TCF24: variants seen among roughly 807,000 people sequenced by gnomAD.
TCF24 encodes the protein transcription factor 24.
A neutral mutation model predicts 9.3 loss-of-function variants in TCF24; 5 were observed. The ratio of observed to expected loss-of-function variants is 0.54; its 90% CI spans 0.28 to 1.13. The LOEUF is 1.13. Among genes scored for constraint, TCF24 ranks in the 50% most tolerant of loss-of-function variants. TCF24 has a pLI of 0.09. For synonymous variants in TCF24, 110 were observed against 115.8 expected (o/e 0.95, Z 0.32); for missense variants, 220 against 236.1 (o/e 0.93, Z 0.45).
chr8:66,954,696 G>A (rs1459940833), intron 3 of TCF24, among the ~76,000 whole-genome samples: 3 of 152,064 alleles, frequency 2.0e-5, no homozygotes, highest in Non-Finnish European at 2.9e-5. Context: ...CCCCAGCCTC[G>A]CTGCCGCCTT....
intron 3 of TCF24, among the ~76,000 whole-genome samples, chr8:66,957,167 A>G (rs1814170140): frequency 6.8e-6 from 1 of 147,834 alleles, no homozygotes; most frequent in Non-Finnish European, 1.5e-5. Context: ...ATGTAATCCC[A>G]GTACTTTGGG....
At chr8:66,949,986 A>G (rs1178986522) in intron 3 of TCF24, among the ~76,000 whole-genome samples, 2 of 142,202 alleles carry the variant, frequency 1.4e-5, no homozygotes, top group Admixed American at 7.3e-5. Flanking sequence ...GGTTGAGTTC[A>G]TTGTAGATTC....
rs905042706 is a variant in TCF24, at chr8:66,959,752, A to C, written c.390+1624T>G. On this transcript the variant is annotated intron_variant, in intron 3 of 3. Transcript: ENST00000563496. ...CACTTGTTCAAGCAACATTAATTTCATTTAAAAAAATAATCCTTGGCTTTG... is the reference window on the plus strand; with the variant it reads ...CACTTGTTCAAGCAACATTAATTTCCTTTAAAAAAATAATCCTTGGCTTTG... Among the ~76,000 whole-genome samples, 24 of 152,350 alleles carry C rather than the reference A, an allele frequency of 1.6e-4. No homozygotes were observed. The South Asian group carries it at 1.7e-3, about 11-fold the overall frequency.
At chr8:66,955,428 C>T (rs950755932) in intron 3 of TCF24, among the ~76,000 whole-genome samples, 3 of 151,836 alleles carry the variant, frequency 2.0e-5, no homozygotes, top group African/African-American at 7.3e-5. Context: ...TCTGGTCCCA[C>T]ACTCTCCAGG....
Position 66,948,075 on chromosome 8 carries a change from G to C in TCF24, c.480C>G (p.Asn160Lys). 4 of 1,534,654 alleles carry C rather than the reference G, an allele frequency of 2.6e-6. No individual in the cohort carries two copies. The highest frequency in any genetic ancestry group is 3.5e-6 in the Non-Finnish European group (4 of 1,146,492). The change falls in exon 4 of 4, where the codon AAC becomes AAG. Residue 160 changes from asparagine to lysine, a missense_variant. Physicochemically the swap from Asn to Lys is moderately conservative, Grantham distance 94. Transcript: ENST00000563496. ...CCTAAGGCTGTGAGTCTGTTGGAGT[G>C]TTGTCATGATTTGTTTTTTCTCCAG... ...SVSGEKTNHDNTPTDSQP is the reference protein window; with the variant it reads ...SVSGEKTNHDKTPTDSQP
intron 3 of TCF24, 104 bp downstream of exon 3, chr8:66,961,272 C>T (rs907387685): frequency 7.7e-7 from 1 of 1,290,738 alleles, no homozygotes; most frequent in Admixed American, 4.1e-5. Context: ...CTTCCCGCCT[C>T]ACCCGAAAAG....
intron 3 of TCF24, among the ~76,000 whole-genome samples, chr8:66,952,582 G>A (rs1015764661): frequency 6.6e-6 from 1 of 151,626 alleles, no homozygotes; most frequent in Admixed American, 6.6e-5. Context: ...TTGATTTGGG[G>A]TGGAGAGTTC....
intron 3 of TCF24, 89 bp from the exon 4 acceptor site, chr8:66,948,253 C>A: frequency 1.3e-6 from 1 of 793,398 alleles, no homozygotes; most frequent in South Asian, 2.6e-5. Flanking sequence ...TGTAAATAGC[C>A]CAATGCAAAT....
intron 3 of TCF24, among the ~76,000 whole-genome samples, chr8:66,957,084 G>C (rs1345857233): frequency 8.5e-6 from 1 of 117,754 alleles, no homozygotes; most frequent in African/African-American, 3.3e-5. Flanking sequence ...CTACACTCTA[G>C]CCTGACGACA....
Position 66,948,116 on chromosome 8 carries a change from G to C in TCF24, c.439C>G (p.Leu147Val). ...TTTTCTCCAGAAACAGAATGCTTCA[G>C]AAACTGACCAGTAGCACCGATGTAC... ...RLYIGATGQFLKHSVSGEKTN... is the reference protein window; with the variant it reads ...RLYIGATGQFVKHSVSGEKTN... The change falls in exon 4 of 4, where the codon CTG (leucine) becomes GTG (valine). Residue 147 changes from leucine to valine, a missense_variant. Coordinates refer to ENST00000563496, the MANE Select transcript of TCF24 (RefSeq NM_001193502.2). 2.0e-6 allele frequency: 3 copies of C among 1,535,244 alleles called. No individual in the cohort carries two copies. The highest frequency in any genetic ancestry group is 2.4e-5 in the East Asian group (1 of 40,854).
In TCF24 at chr8:66,961,902, C is replaced by T. The variant is rs1393005146; in HGVS notation, c.-49G>A. On this transcript the variant is annotated 5_prime_UTR_variant, in exon 2 of 4. Transcript: ENST00000563496. ...CAGCAGCCCAACGGGGCTAAGGGCGCTCTCAAGCGAGCTCGTTTTGCCTGG... is the reference window on the plus strand; with the variant it reads ...CAGCAGCCCAACGGGGCTAAGGGCGTTCTCAAGCGAGCTCGTTTTGCCTGG... The T allele has an allele frequency of 1.3e-6, 1 of 753,120 alleles. No individual in the cohort carries two copies. Among genetic ancestry groups the T allele is most frequent in the Non-Finnish European group, 1.6e-6 (1 of 611,310 alleles). The allele number at this position is 753,120 out of a possible 1,614,324, so 46.7% of individuals were successfully genotyped here.
At chr8:66,960,287 A>C (rs1171307097) in intron 3 of TCF24, among the ~76,000 whole-genome samples, 2 of 152,184 alleles carry the variant, frequency 1.3e-5, no homozygotes, top group Non-Finnish European at 2.9e-5. Flanking sequence ...TTATATTTGC[A>C]AAGTAAATTT....
chr8:66,956,896 A>C (rs1188383266), intron 3 of TCF24, among the ~76,000 whole-genome samples: 3 of 151,994 alleles, frequency 2.0e-5, no homozygotes, highest in Non-Finnish European at 4.4e-5. Flanking sequence ...ATGAGGGACT[A>C]ATACCCATTT....
chr8:66,948,234 G>T, intron 3 of TCF24, 70 bp from the exon 4 acceptor site: 1 of 1,064,214 alleles, frequency 9.4e-7, no homozygotes, highest in Non-Finnish European at 1.3e-6. Context: ...GGTCTACAAT[G>T]TTAAAGATTG....
Position 66,947,956 on chromosome 8 carries a change from AAATTTTGTTATGTCTCATAT to A in TCF24, c.*75_*94del. 2 of 924,706 alleles carry A rather than the reference AAATTTTGTTATGTCTCATAT, an allele frequency of 2.2e-6. No individual in the cohort carries two copies. The highest frequency in any genetic ancestry group is 4.1e-5 in the South Asian group (2 of 48,982). 57.3% of individuals were successfully genotyped at this position (924,706 alleles called of 1,614,324 possible). On this transcript the variant is annotated 3_prime_UTR_variant, in exon 4 of 4. Transcript: ENST00000563496. ...TATGGGTTCACATGTAAACTTTCAG[AAATTTTGTTATGTCTCATAT>A]AATAAATATAGAATTATGTCATAGT...
Position 66,961,686 on chromosome 8 carries a change from G to A in TCF24, c.80C>T (p.Ser27Leu). 2.7e-6 allele frequency: 3 copies of A among 1,102,604 alleles called. No homozygotes were observed. The highest frequency in any genetic ancestry group is 3.3e-6 in the Non-Finnish European group (3 of 906,490). The allele number at this position is 1,102,604 out of a possible 1,614,324, so 68.3% of individuals were successfully genotyped here. Residue 27 changes from serine to leucine, a missense_variant, in exon 3 of 4, where the codon TCG becomes TTG. Physicochemically the swap from Ser to Leu is moderately radical, Grantham distance 145. Transcript: ENST00000563496. ...PAPLAAAIRDSRPGRTGPGPA... is the reference protein window; with the variant it reads ...PAPLAAAIRDLRPGRTGPGPA... ...CCCCGGCCCGGTCCGCCCGGGACGC[G>A]AGTCGCGGATGGCGGCGGCCAGGGG...
chr8:66,955,156 A>C (rs551328130), intron 3 of TCF24: 1 of 152,240 alleles, frequency 6.6e-6, no homozygotes, highest in South Asian at 2.1e-4. Flanking sequence ...GGTAATCATC[A>C]CATTTGAATT....
intron 3 of TCF24, among the ~76,000 whole-genome samples, chr8:66,949,698 T>C (rs1371560809): frequency 1.3e-5 from 2 of 152,094 alleles, no homozygotes; most frequent in South Asian, 4.1e-4. Flanking sequence ...CCCACAATGG[T>C]TGAACTAGTT....
intron 3 of TCF24, among the ~76,000 whole-genome samples, chr8:66,958,956 C>G (rs1814212191): frequency 6.6e-6 from 1 of 152,168 alleles, no homozygotes; most frequent in African/African-American, 2.4e-5. Context: ...TCTTAAACTT[C>G]CAGTTTCATT....
Sources: allele counts gnomAD v4.1 joint callset (sites outside exome capture counted in the v4.1 genomes callset), GRCh38; gene constraint gnomAD v4.1.1; transcripts MANE v1.5; gene names NCBI Gene and HGNC (gene_info 2026-07-23, HGNC 2026-07-21).